SLC39A14: variants seen among roughly 807,000 people sequenced by gnomAD.
The protein encoded by SLC39A14 is metal cation symporter ZIP14.
Under a neutral mutation model 45.5 loss-of-function variants are expected in SLC39A14, and 19 were observed. The observed-to-expected ratio is 0.42, with a 90% CI of 0.29 to 0.61. The LOEUF is 0.61. Ranked by LOEUF, SLC39A14 falls within the 20% of genes least tolerant of loss-of-function variation. SLC39A14 has a pLI of 0.22. For missense variants in SLC39A14, 447 were observed against 616.5 expected (o/e 0.73, Z 2.91); for synonymous variants, 264 against 251.3 (o/e 1.05, Z -0.48).
At chr8:22,370,761 T>G (rs926001857) in intron 1 of SLC39A14, among the ~76,000 whole-genome samples, 5 of 152,140 alleles carry the variant, frequency 3.3e-5, no homozygotes, top group Admixed American at 3.3e-4. Flanking sequence ...AGTCTCTTAC[T>G]CTTTCCAGAC....
At chr8:22,375,035 C>G (rs769587364) in intron 1 of SLC39A14, among the ~76,000 whole-genome samples, 2 of 151,176 alleles carry the variant, frequency 1.3e-5, no homozygotes, top group Non-Finnish European at 3.0e-5. Flanking sequence ...CGTGAGCCAC[C>G]GCGCCTGGCC....
Position 22,419,746 on chromosome 8 carries a change from C to T in SLC39A14, c.*48C>T, listed in dbSNP as rs748015573. 3.9e-6 allele frequency: 6 copies of T among 1,521,420 alleles called. No homozygotes were observed. Among genetic ancestry groups the T allele is most frequent in the Non-Finnish European group, 5.3e-6 (6 of 1,135,814 alleles). 94.2% of individuals were successfully genotyped at this position (1,521,420 alleles called of 1,614,324 possible). A position where few individuals can be genotyped will look rare whatever the true frequency, so the allele number is the denominator to read the frequency against. ...ACTGGAAGTCGGGCCCTGGGCTGCC[C>T]GATCGCCAGCCCGAGGACTTACCAT... is the stretch of plus-strand genomic sequence containing the variant. On this transcript the variant is annotated 3_prime_UTR_variant, in exon 9 of 9. Transcript: ENST00000381237.
At chr8:22,373,261 CA>C (rs11332395) in intron 1 of SLC39A14, among the ~76,000 whole-genome samples, 75,478 of 127,244 alleles carry the variant, frequency 0.59, 20,387 homozygotes, top group East Asian at 0.78. Context: ...GACTCCATCT[CA>C]AAAAAAAAAA....
chr8:22,371,414 CTTTTTTTTTTTTTTTTTTT>C (rs373230777), intron 1 of SLC39A14, among the ~76,000 whole-genome samples: 8 of 120,052 alleles, frequency 6.7e-5, no homozygotes, highest in South Asian at 2.6e-4. Context: ...AAATACATGT[CTTTTTTTTTTTTTTTTTTT>C]TTTTTTTTTT....
chr8:22,412,599 T>C (rs1178268736), intron 4 of SLC39A14, among the ~76,000 whole-genome samples: 1 of 152,166 alleles, frequency 6.6e-6, no homozygotes, highest in Non-Finnish European at 1.5e-5. Context: ...GCGAGCTCAC[T>C]CTGGCTTAGT....
intron 8 of SLC39A14, among the ~76,000 whole-genome samples, chr8:22,433,219 T>C (rs1419579263): frequency 6.6e-6 from 1 of 152,194 alleles, no homozygotes; most frequent in Non-Finnish European, 1.5e-5. Context: ...TTTTCCTTGA[T>C]AGATTATGCT....
At chr8:22,414,278 T>C (rs1332430468) in intron 4 of SLC39A14, among the ~76,000 whole-genome samples, 1 of 152,034 alleles carries the variant, frequency 6.6e-6, no homozygotes, top group African/African-American at 2.4e-5. Context: ...CACTGGGAGG[T>C]CTGCGGTTAG....
At chr8:22,410,993 A>C (rs1399476650) in intron 3 of SLC39A14, among the ~76,000 whole-genome samples, 1 of 152,240 alleles carries the variant, frequency 6.6e-6, no homozygotes, top group Non-Finnish European at 1.5e-5. Flanking sequence ...AAAAGACAGC[A>C]GATGGGATGC....
At chr8:22,432,621 G>C (rs941959376) in intron 8 of SLC39A14, among the ~76,000 whole-genome samples, 1 of 150,888 alleles carries the variant, frequency 6.6e-6, no homozygotes, top group Non-Finnish European at 1.5e-5. Context: ...TGGGACCACA[G>C]GTGTTCACCA....
At chr8:22,415,143 T>C in intron 5 of SLC39A14, 1 of 482,174 alleles carries the variant, frequency 2.1e-6, no homozygotes, top group Non-Finnish European at 3.6e-6. Flanking sequence ...TTATCCCCTT[T>C]GTTTTGTTCT....
Position 22,415,789 on chromosome 8 carries a change from T to G in SLC39A14, c.771T>G (p.His257Gln), listed in dbSNP as rs762784239. ...TCCAGCATCATCATGGACACAGCCA[T>G]TATGCCTCTGAGTCGCTTCCCTCCA... ...QKNEHHHGHS[H>Q]YASESLPSKK... is the part of the protein sequence containing the mutation. Residue 257 changes from histidine to glutamine, a missense_variant, in exon 6 of 9, where the codon CAT (histidine) becomes CAG (glutamine). By Grantham distance (24) the His-to-Gln change is conservative. This residue lies in a region of SLC39A14 where 342 missense variants were observed against 428.1 expected (regional missense o/e 0.80). Transcript: ENST00000381237. 3.1e-6 allele frequency: 5 copies of G among 1,612,516 alleles called. No individual in the cohort carries two copies. Among genetic ancestry groups the G allele is most frequent in the Non-Finnish European group, 4.2e-6 (5 of 1,179,658 alleles).
chr8:22,414,913 A>G lies in SLC39A14; in HGVS notation c.750+11A>G, dbSNP rs368527090. ...AAGCAGAAAAATGAGGTGAGGCCCA[A>G]TTGTTGCTGAAGAAAGCTCTTCTAG... On this transcript the variant is annotated intron_variant, in intron 5 of 8. Coordinates refer to ENST00000381237, the MANE Select transcript of SLC39A14 (RefSeq NM_001128431.4). The G allele has an allele frequency of 9.3e-6, 15 of 1,609,768 alleles. No individual in the cohort carries two copies. In the South Asian group the frequency reaches 1.2e-4, roughly 13 times the overall value.
At chr8:22,423,246 C>G (rs370043136), downstream of SLC39A14, among the ~76,000 whole-genome samples, 1 of 152,106 alleles carries the variant, frequency 6.6e-6, no homozygotes, top group Non-Finnish European at 1.5e-5. Flanking sequence ...TGGGTTCAAG[C>G]GATTCTCATG....
Position 22,404,730 on chromosome 8 carries a change from A to C in SLC39A14, c.20A>C (p.His7Pro). 6.2e-7 allele frequency: 1 copy of C among 1,606,476 alleles called. No homozygotes were observed. The highest frequency in any genetic ancestry group is 1.1e-5 in the South Asian group (1 of 90,664). Residue 7 changes from histidine (H) to proline (P), a missense_variant, in exon 2 of 9, where the codon CAC becomes CCC. His to Pro is a moderately conservative substitution (Grantham distance 77). Around this residue, in one of 2 missense-constraint regions of SLC39A14, gnomAD observed 342 missense variants for 428.1 expected, o/e 0.80. Transcript: ENST00000381237. ...GTCACCATGAAGCTGCTGCTGCTGC[A>C]CCCGGCCTTCCAGAGCTGCCTCCTG... MKLLLLHPAFQSCLLLT... is the reference protein window; with the variant it reads MKLLLLPPAFQSCLLLT...
downstream of SLC39A14, among the ~76,000 whole-genome samples, chr8:22,426,183 C>T (rs998955443): frequency 3.9e-5 from 6 of 152,054 alleles, no homozygotes; most frequent in Non-Finnish European, 7.4e-5. Context: ...TGAGCCACCG[C>T]GCCCGGCTTG....
chr8:22,426,487 C>G, downstream of SLC39A14, among the ~76,000 whole-genome samples: 1 of 152,076 alleles, frequency 6.6e-6, no homozygotes, highest in South Asian at 2.1e-4. Context: ...GCCATTGCAC[C>G]CAGACTCTCT....
chr8:22,416,275 A>G lies in SLC39A14; in HGVS notation c.1142A>G (p.Glu381Gly). The G allele has an allele frequency of 6.2e-7, 1 of 1,612,596 alleles. No homozygotes were observed. Among genetic ancestry groups the G allele is most frequent in the Non-Finnish European group, 8.5e-7 (1 of 1,179,934 alleles). ...VAILCEEFPH[E>G]LGDFVILLNA... Reference sequence around the variant, plus strand: ...ATCCTCTGTGAGGAGTTCCCACATGAGCTAGGTAAGCGTGCGTCCCCCGTT... The same window carrying G: ...ATCCTCTGTGAGGAGTTCCCACATGGGCTAGGTAAGCGTGCGTCCCCCGTT... The change falls in exon 7 of 9, where the codon GAG becomes GGG. Residue 381 changes from glutamate to glycine, a missense_variant. Glu to Gly is a moderately conservative substitution (Grantham distance 98). Around this residue, in one of 2 missense-constraint regions of SLC39A14, gnomAD observed 105 missense variants for 188.4 expected, o/e 0.56. Coordinates refer to ENST00000381237, the MANE Select transcript of SLC39A14 (RefSeq NM_001128431.4).
At chr8:22,405,251 G>T (rs915011338) in intron 2 of SLC39A14, among the ~76,000 whole-genome samples, 1 of 152,164 alleles carries the variant, frequency 6.6e-6, no homozygotes, top group African/African-American at 2.4e-5. Context: ...AGTGGCTCAC[G>T]CCTGTAATCC....
chr8:22,420,413 G>A lies in SLC39A14; in HGVS notation c.*715G>A, dbSNP rs1836158989. 1.0e-6 allele frequency: 1 copy of A among 985,322 alleles called. No homozygotes were observed. The highest frequency in any genetic ancestry group is 6.2e-5 in the Admixed American group (1 of 16,256). 61.0% of individuals were successfully genotyped at this position (985,322 alleles called of 1,614,324 possible). Reference sequence around the variant, plus strand: ...CACGGCTGTCCGAGTGAGCTAACGTGGCGGTGTGGCTGCCTGGACCTCCTC... The same window carrying A: ...CACGGCTGTCCGAGTGAGCTAACGTAGCGGTGTGGCTGCCTGGACCTCCTC... On this transcript the variant is annotated 3_prime_UTR_variant, in exon 9 of 9. Transcript: ENST00000381237.
Sources: gnomAD v4.1 joint callset for allele counts (sites outside exome capture counted in the v4.1 genomes callset) on GRCh38, gnomAD v4.1.1 for gene constraint, gnomAD v4.1.1 regional missense constraint, MANE v1.5 for transcripts, NCBI Gene and HGNC (gene_info 2026-07-23, HGNC 2026-07-21) for gene names.